Variants in TTLL5 observed in about 807,000 individuals in gnomAD.
The protein encoded by TTLL5 is tubulin polyglutamylase TTLL5.
TTLL5 carries 132 observed loss-of-function variants against 168.4 expected under a neutral mutation model. That is an observed-to-expected ratio of 0.78 (90% confidence interval 0.68 to 0.91). The LOEUF (loss-of-function observed/expected upper bound fraction) is 0.91. TTLL5 is among the 40% of genes least tolerant of loss of function. TTLL5 has a pLI of 0.00. For synonymous variants in TTLL5, 546 were observed against 558.6 expected (o/e 0.98, Z 0.32); for missense variants, 1,545 against 1,581.5 (o/e 0.98, Z 0.39).
intron 27 of TTLL5, among the ~76,000 whole-genome samples, chr14:75,804,881 A>G (rs532050385): frequency 2.7e-5 from 4 of 147,654 alleles, no homozygotes; most frequent in Admixed American, 2.6e-4. Context: ...CTAATTTCCT[A>G]GCTTTTCTAG....
At chr14:75,806,182 C>T (rs903256590) in intron 27 of TTLL5, among the ~76,000 whole-genome samples, 3 of 152,034 alleles carry the variant, frequency 2.0e-5, no homozygotes, top group Non-Finnish European at 2.9e-5. Flanking sequence ...AGATGCCTGC[C>T]GCCATGCCGG....
intron 28 of TTLL5, among the ~76,000 whole-genome samples, chr14:75,855,466 T>G (rs994351490): frequency 6.6e-6 from 1 of 152,232 alleles, no homozygotes; most frequent in African/African-American, 2.4e-5. Flanking sequence ...TGTTGCCTTT[T>G]CACTTAAGGG....
chr14:75,704,916 C>T (rs527630302), intron 7 of TTLL5, among the ~76,000 whole-genome samples: 5 of 152,162 alleles, frequency 3.3e-5, no homozygotes, highest in South Asian at 2.1e-4. Flanking sequence ...TGGGCATGGG[C>T]GTTAGATGTG....
At position 75,820,123 on chromosome 14, in the gene TTLL5, C is replaced by G; in HGVS notation, c.3288C>G (p.Pro1096=). 6.2e-7 allele frequency: 1 copy of G among 1,600,990 alleles called. No individual in the cohort carries two copies. The highest frequency in any genetic ancestry group is 1.7e-5 in the Admixed American group (1 of 57,974). The change falls in exon 28 of 32, where the codon CCC becomes CCG. Residue 1096 remains proline (P), a synonymous_variant. Transcript: ENST00000298832. ...SGPTWSTQSD[P]QAPENHSSSP... Reference sequence around the variant, plus strand: ...CGACATGGTCTACACAGTCAGACCCCCAAGCTCCCGAGAATCACTCCAGCT... The same window carrying G: ...CGACATGGTCTACACAGTCAGACCCGCAAGCTCCCGAGAATCACTCCAGCT...
intron 15 of TTLL5, among the ~76,000 whole-genome samples, chr14:75,737,272 C>T (rs1428184992): frequency 6.6e-6 from 1 of 152,184 alleles, no homozygotes; most frequent in African/African-American, 2.4e-5. Context: ...GTCATGTGTA[C>T]TGTGTGAAAC....
intron 29 of TTLL5, among the ~76,000 whole-genome samples, chr14:75,867,984 TG>T (rs1443330437): frequency 3.9e-5 from 6 of 152,172 alleles, no homozygotes; most frequent in Admixed American, 1.3e-4. Context: ...CAGTGACTAC[TG>T]GTGACATCAG....
At chr14:75,823,595 C>T (rs542029728) in intron 28 of TTLL5, among the ~76,000 whole-genome samples, 10 of 152,266 alleles carry the variant, frequency 6.6e-5, no homozygotes, top group African/African-American at 2.4e-4. Context: ...TATGTTTTTC[C>T]AGCATTTGTC....
At chr14:75,717,362 G>A (rs1447179103) in intron 9 of TTLL5, among the ~76,000 whole-genome samples, 1 of 152,110 alleles carries the variant, frequency 6.6e-6, no homozygotes, top group African/African-American at 2.4e-5. Flanking sequence ...CAATCCTCCT[G>A]CCTCGGCCTC....
chr14:75,951,887 T>G (rs1161455359), intron 31 of TTLL5, among the ~76,000 whole-genome samples: 5 of 152,208 alleles, frequency 3.3e-5, no homozygotes, highest in African/African-American at 1.2e-4. Flanking sequence ...AAGCAGTTTC[T>G]TAGATATGAC....
chr14:75,825,806 G>A (rs542099157), intron 28 of TTLL5, among the ~76,000 whole-genome samples: 2 of 152,022 alleles, frequency 1.3e-5, no homozygotes, highest in African/African-American at 4.8e-5. Context: ...CTTCCCCTGA[G>A]GAAAACGATT....
chr14:75,930,921 A>G (rs111312483), intron 31 of TTLL5, among the ~76,000 whole-genome samples: 91 of 152,284 alleles, frequency 6.0e-4, no homozygotes, highest in African/African-American at 2.0e-3. Context: ...GTTTTTGGGA[A>G]TGTTGGCTTT....
At chr14:75,680,921 C>G (rs930796634) in intron 3 of TTLL5, among the ~76,000 whole-genome samples, 2 of 152,038 alleles carry the variant, frequency 1.3e-5, no homozygotes. Flanking sequence ...GCCACCATGC[C>G]CAGCCTAGAG....
intron 30 of TTLL5, among the ~76,000 whole-genome samples, chr14:75,888,030 T>G (rs1439960275): frequency 6.6e-6 from 1 of 152,200 alleles, no homozygotes; most frequent in Non-Finnish European, 1.5e-5. Context: ...CCTGGAATAC[T>G]GCAGACAATA....
At chr14:75,785,001 T>A (rs1252220850) in intron 26 of TTLL5, among the ~76,000 whole-genome samples, 2 of 152,132 alleles carry the variant, frequency 1.3e-5, no homozygotes, top group Admixed American at 1.3e-4. Context: ...CTTTGTCAGA[T>A]AGGATTTATA....
chr14:75,776,402 G>C (rs900631693), intron 22 of TTLL5, among the ~76,000 whole-genome samples: 3 of 152,170 alleles, frequency 2.0e-5, no homozygotes, highest in African/African-American at 7.2e-5. Flanking sequence ...ACAAAATACT[G>C]TGTCTCTGTT....
intron 24 of TTLL5, among the ~76,000 whole-genome samples, 167 bp from the exon 25 acceptor site, chr14:75,782,320 C>T (rs1415995430): frequency 1.3e-5 from 2 of 152,070 alleles, no homozygotes; most frequent in African/African-American, 2.4e-5. Context: ...GTTGCCTACT[C>T]CTTAGGGCTG....
intron 31 of TTLL5, among the ~76,000 whole-genome samples, chr14:75,904,795 C>T (rs1276069665): frequency 6.6e-6 from 1 of 152,110 alleles, no homozygotes; most frequent in Non-Finnish European, 1.5e-5. Context: ...CTGAACTTTT[C>T]GAATTTGTTT....
intron 12 of TTLL5, among the ~76,000 whole-genome samples, chr14:75,725,091 A>T (rs187319294): frequency 6.6e-6 from 1 of 152,190 alleles, no homozygotes; most frequent in African/African-American, 2.4e-5. Flanking sequence ...ATCAGAGCCC[A>T]GTGACGTGTT....
chr14:75,689,625 A>G (rs897708774), intron 5 of TTLL5: 1 of 152,502 alleles, frequency 6.6e-6, no homozygotes, highest in African/African-American at 2.4e-5. Context: ...ACCATGGTAC[A>G]TCTATACAGT....
Sources: allele counts gnomAD v4.1 joint callset (sites outside exome capture counted in the v4.1 genomes callset), GRCh38; gene constraint gnomAD v4.1.1; transcripts MANE v1.5; gene names NCBI Gene and HGNC (gene_info 2026-07-23, HGNC 2026-07-21).